PRRC2B: variants seen among roughly 807,000 people sequenced by gnomAD.
PRRC2B encodes protein PRRC2B.
Under a neutral mutation model 242.3 loss-of-function variants are expected in PRRC2B, and 68 were observed. The observed-to-expected ratio is 0.28, with a 90% CI of 0.23 to 0.34. The LOEUF (loss-of-function observed/expected upper bound fraction) is 0.34. PRRC2B is among the 10% of genes least tolerant of loss of function. PRRC2B has a pLI of 1.00. For synonymous variants in PRRC2B, 1,228 were observed against 1,173.6 expected (o/e 1.05, Z -0.95); for missense variants, 2,835 against 2,954.8 (o/e 0.96, Z 0.94).
intron 19 of PRRC2B, among the ~76,000 whole-genome samples, chr9:131,480,465 A>G (rs2131458336): frequency 6.6e-6 from 1 of 152,300 alleles, no homozygotes; most frequent in Admixed American, 6.5e-5. Flanking sequence ...GCCAGGTGTG[A>G]ATCAGATGTG....
In PRRC2B at chr9:131,475,323, G is replaced by A. The variant is rs553258692; in HGVS notation, c.3194G>A (p.Arg1065Gln). The change falls in exon 16 of 32, where the codon CGG (arginine) becomes CAG (glutamine). Residue 1065 changes from arginine to glutamine, a missense_variant. By Grantham distance (43) the Arg-to-Gln change is conservative. Coordinates refer to ENST00000683519, the MANE Select transcript of PRRC2B (RefSeq NM_013318.4). Reference sequence around the variant, plus strand: ...GCCTTTGGGGTCAGAGGACAGGCCCGGGGCCGGGGCCGTGGTTTCAGAGAG... The same window carrying A: ...GCCTTTGGGGTCAGAGGACAGGCCCAGGGCCGGGGCCGTGGTTTCAGAGAG... ...EQAFGVRGQA[R>Q]GRGRGFREFT... 33 of 1,594,518 alleles carry A rather than the reference G, an allele frequency of 2.1e-5. No homozygotes were observed. The Admixed American group carries it at 2.7e-4, about 13-fold the overall frequency.
intron 31 of PRRC2B, among the ~76,000 whole-genome samples, chr9:131,495,264 G>T (rs550311926): frequency 1.3e-5 from 2 of 152,120 alleles, no homozygotes; most frequent in Admixed American, 1.3e-4. Context: ...GGGAATGGTG[G>T]GGGGGTTGGC....
Position 131,444,259 on chromosome 9 carries a change from G to A in PRRC2B, c.544G>A (p.Asp182Asn). The A allele has an allele frequency of 6.2e-7, 1 of 1,613,960 alleles. No individual in the cohort carries two copies. Among genetic ancestry groups the A allele is most frequent in the Non-Finnish European group, 8.5e-7 (1 of 1,179,872 alleles). The change falls in exon 6 of 32, where the codon GAC (aspartate) becomes AAC (asparagine). Residue 182 changes from aspartate to asparagine, a missense_variant. Coordinates refer to ENST00000683519, the MANE Select transcript of PRRC2B (RefSeq NM_013318.4). ...FPTLKAAGGQ[D>N]KAGKEKGVLD... is the part of the protein sequence containing the mutation. ...GACGCTGAAAGCAGCTGGAGGGCAG[G>A]ACAAGGCTGGCAAAGAAAAGGGCGT...
chr9:131,439,163 G>A, intron 5 of PRRC2B, 102 bp downstream of exon 5: 4 of 943,380 alleles, frequency 4.2e-6, no homozygotes, highest in Non-Finnish European at 6.7e-6. Flanking sequence ...GAAGCTTTGA[G>A]GACTCTCTTC....
At position 131,474,767 on chromosome 9, in the gene PRRC2B, G is replaced by A. The variant is rs369655537; in HGVS notation, c.2638G>A (p.Ala880Thr). 4.3e-6 allele frequency: 7 copies of A among 1,612,486 alleles called. No homozygotes were observed. Among genetic ancestry groups the A allele is most frequent in the Middle Eastern group, 1.6e-4 (1 of 6,082 alleles). ...GGATGTTAGCCACCAGCCAGAGACC[G>A]CTGACACAGCCCATGGTGTTGAGCG... ...SWDVSHQPET[A>T]DTAHGVERET... Residue 880 changes from alanine to threonine, a missense_variant, in exon 16 of 32, where the codon GCT becomes ACT. Transcript: ENST00000683519.
At chr9:131,434,887 T>C (rs1287560943) in intron 3 of PRRC2B, among the ~76,000 whole-genome samples, 1 of 152,216 alleles carries the variant, frequency 6.6e-6, no homozygotes, top group Non-Finnish European at 1.5e-5. Context: ...AGCCTTTTTT[T>C]GGAGGGCAGC....
At chr9:131,407,349 T>G (rs916346255) in intron 1 of PRRC2B, among the ~76,000 whole-genome samples, 1 of 151,938 alleles carries the variant, frequency 6.6e-6, no homozygotes, top group African/African-American at 2.4e-5. Context: ...GTATAGAGTT[T>G]TGGGTGAGGT....
chr9:131,413,624 C>G (rs1465714219), intron 1 of PRRC2B, among the ~76,000 whole-genome samples: 1 of 152,172 alleles, frequency 6.6e-6, no homozygotes, highest in African/African-American at 2.4e-5. Flanking sequence ...CCTTGGCCTC[C>G]CAAAGTGCTG....
rs780468398 is a variant in PRRC2B at position 131,475,102 on chromosome 9, C to T, written c.2973C>T (p.Asn991=). ...CAGAAAAGGATGAGGACGAAGAGAACGATGCCTCTCTGGCCAACTCCTCCA... is the reference window on the plus strand; with the variant it reads ...CAGAAAAGGATGAGGACGAAGAGAATGATGCCTCTCTGGCCAACTCCTCCA... The part of the protein sequence containing the change: ...PTAEKDEDEE[N]DASLANSSTT... Residue 991 remains asparagine (N), a synonymous_variant, in exon 16 of 32, where the codon AAC becomes AAT. Coordinates refer to ENST00000683519, the MANE Select transcript of PRRC2B (RefSeq NM_013318.4). 34 of 1,611,462 alleles carry T rather than the reference C, an allele frequency of 2.1e-5. No individual in the cohort carries two copies. The highest frequency in any genetic ancestry group is 3.3e-4 in the Middle Eastern group (2 of 6,056).
At chr9:131,398,174 G>T (rs1837120520) in intron 1 of PRRC2B, among the ~76,000 whole-genome samples, 1 of 152,222 alleles carries the variant, frequency 6.6e-6, no homozygotes, top group African/African-American at 2.4e-5. Context: ...CCTCACCTGG[G>T]AGCTGGCAGA....
chr9:131,485,609 T>C, intron 25 of PRRC2B: 1 of 530,868 alleles, frequency 1.9e-6, no homozygotes, highest in Non-Finnish European at 3.7e-6. Context: ...GCCATCCTTA[T>C]CGTGTGCCAG....
At chr9:131,444,681 A>G (rs1838730424) in intron 6 of PRRC2B, among the ~76,000 whole-genome samples, 1 of 152,174 alleles carries the variant, frequency 6.6e-6, no homozygotes, top group Admixed American at 6.5e-5. Context: ...TCCTAGCTAC[A>G]TCTAGTCGGA....
chr9:131,465,592 A>T (rs1390917349), intron 12 of PRRC2B, among the ~76,000 whole-genome samples: 1 of 152,214 alleles, frequency 6.6e-6, no homozygotes, highest in African/African-American at 2.4e-5. Flanking sequence ...TATCCTCGCT[A>T]TCCCTGCCTA....
At chr9:131,488,159 C>T in intron 28 of PRRC2B, 63 bp downstream of exon 28, 1 of 1,535,416 alleles carries the variant, frequency 6.5e-7, no homozygotes, top group South Asian at 1.3e-5. Context: ...CTTGCCTTTT[C>T]TTTTCACCCG....
intron 10 of PRRC2B, among the ~76,000 whole-genome samples, chr9:131,456,646 A>T (rs1943089165): frequency 6.6e-6 from 1 of 152,028 alleles, no homozygotes; most frequent in Non-Finnish European, 1.5e-5. Flanking sequence ...TCAAAAAAAA[A>T]AAATACCCCA....
chr9:131,448,032 A>G, intron 9 of PRRC2B: 1 of 399,298 alleles, frequency 2.5e-6, no homozygotes, highest in African/African-American at 2.0e-5. Context: ...TTGATCTTAG[A>G]GTTTTGTTGT....
chr9:131,378,736 T>C (rs1440928590), intron 1 of PRRC2B, among the ~76,000 whole-genome samples: 2 of 152,178 alleles, frequency 1.3e-5, no homozygotes, highest in East Asian at 1.9e-4. Flanking sequence ...GTTTTTTTAA[T>C]TGAGATACAG....
intron 1 of PRRC2B, among the ~76,000 whole-genome samples, chr9:131,377,022 A>G (rs1588231751): frequency 6.6e-6 from 1 of 152,276 alleles, no homozygotes; most frequent in South Asian, 2.1e-4. Context: ...AAAATAAATA[A>G]AAAAAGTTTG....
chr9:131,438,139 G>A (rs1838435666), intron 4 of PRRC2B, among the ~76,000 whole-genome samples: 1 of 152,196 alleles, frequency 6.6e-6, no homozygotes, highest in South Asian at 2.1e-4. Flanking sequence ...CAGTAAGTGG[G>A]GAAGTTTCAC....
Sources: allele counts gnomAD v4.1 joint callset (sites outside exome capture counted in the v4.1 genomes callset), GRCh38; gene constraint gnomAD v4.1.1; transcripts MANE v1.5; gene names NCBI Gene and HGNC (gene_info 2026-07-23, HGNC 2026-07-21).